The following THSD7B variants were observed in gnomAD, a reference collection of about 807,000 sequenced individuals.
THSD7B encodes thrombospondin type-1 domain-containing protein 7B.
In THSD7B, 138 loss-of-function variants were observed where a neutral mutation model predicts 213.6. That is an observed-to-expected ratio of 0.65 (90% confidence interval 0.56 to 0.74). THSD7B has a LOEUF of 0.74. THSD7B is among the 30% of genes least tolerant of loss of function. The pLI, the probability that THSD7B is intolerant of heterozygous loss-of-function variation, is 0.00. For missense variants in THSD7B, 1,931 were observed against 1,991.5 expected (o/e 0.97, Z 0.58); for synonymous variants, 742 against 687.0 (o/e 1.08, Z -1.25).
intron 2 of THSD7B, among the ~76,000 whole-genome samples, chr2:136,980,808 T>C (rs535924308): frequency 5.3e-4 from 80 of 152,272 alleles, no homozygotes; most frequent in African/African-American, 1.9e-3. Flanking sequence ...TGTGGAAAAT[T>C]CATGGTTTCC....
rs571618572 is a variant in THSD7B, at chr2:137,433,947, T to A, written c.2960-16898T>A. On this transcript the variant is annotated intron_variant, in intron 14 of 27. Coordinates refer to ENST00000409968, the MANE Select transcript of THSD7B (RefSeq NM_001316349.2). ...CTGTATTCCTTTTTATATTCTTAGT[T>A]GCTCATTATTCCAGCTTGTTAAGGG... 1.3e-4 allele frequency among the ~76,000 whole-genome samples: 20 copies of A among 152,282 alleles called. No individual in the cohort carries two copies. In the South Asian group the frequency reaches 4.1e-3, roughly 32 times the overall value.
chr2:136,862,312 C>T (rs377597381), intron 1 of THSD7B, among the ~76,000 whole-genome samples: 1 of 152,116 alleles, frequency 6.6e-6, no homozygotes, highest in Admixed American at 6.5e-5. Flanking sequence ...AGTTGCTGCT[C>T]ATAACAGCAT....
At chr2:137,305,443 C>T (rs778030681) in intron 12 of THSD7B, among the ~76,000 whole-genome samples, 1 of 152,034 alleles carries the variant, frequency 6.6e-6, no homozygotes, top group African/African-American at 2.4e-5. Context: ...TACTTGGAAC[C>T]CAGGAGGATG....
intron 1 of THSD7B, among the ~76,000 whole-genome samples, chr2:136,787,238 T>A (rs984838962): frequency 3.3e-5 from 5 of 152,148 alleles, no homozygotes; most frequent in Non-Finnish European, 7.4e-5. Context: ...GATGATTCTT[T>A]TTTTTTCAAG....
At chr2:137,492,896 T>C (rs1363866294) in intron 15 of THSD7B, among the ~76,000 whole-genome samples, 10 of 151,252 alleles carry the variant, frequency 6.6e-5, no homozygotes, top group Non-Finnish European at 1.3e-4. Context: ...CCGACATGGG[T>C]ATTACCTGAG....
chr2:137,035,791 A>C (rs1056629224), intron 2 of THSD7B, among the ~76,000 whole-genome samples: 2 of 152,184 alleles, frequency 1.3e-5, no homozygotes, highest in Non-Finnish European at 2.9e-5. Flanking sequence ...AAGGGCTTTG[A>C]TATGCCTCAA....
intron 20 of THSD7B, among the ~76,000 whole-genome samples, chr2:137,628,096 G>A (rs968554320): frequency 1.3e-5 from 2 of 152,150 alleles, no homozygotes; most frequent in African/African-American, 4.8e-5. Context: ...AAGACACCTG[G>A]CATAGTAACA....
chr2:137,288,752 G>A (rs1184164958), intron 12 of THSD7B, among the ~76,000 whole-genome samples: 1 of 151,698 alleles, frequency 6.6e-6, no homozygotes, highest in Non-Finnish European at 1.5e-5. Flanking sequence ...CACAGTGAGA[G>A]AGGACTTAAA....
intron 2 of THSD7B, among the ~76,000 whole-genome samples, chr2:136,957,880 A>G (rs1293448293): frequency 6.6e-6 from 1 of 152,220 alleles, no homozygotes; most frequent in Non-Finnish European, 1.5e-5. Flanking sequence ...GCACAAATGG[A>G]TACAAAGCTG....
intron 2 of THSD7B, among the ~76,000 whole-genome samples, chr2:136,899,215 T>C (rs1161621175): frequency 6.6e-6 from 1 of 152,162 alleles, no homozygotes; most frequent in Non-Finnish European, 1.5e-5. Flanking sequence ...AAAACTCTGT[T>C]TTAAGATCCA....
chr2:137,164,752 C>T (rs1680087413), intron 6 of THSD7B, among the ~76,000 whole-genome samples: 1 of 152,080 alleles, frequency 6.6e-6, no homozygotes, highest in Non-Finnish European at 1.5e-5. Context: ...AAGCTGGAAA[C>T]CATCATTCTC....
intron 15 of THSD7B, among the ~76,000 whole-genome samples, chr2:137,520,902 T>C (rs1680172056): frequency 6.6e-6 from 1 of 152,230 alleles, no homozygotes; most frequent in South Asian, 2.1e-4. Flanking sequence ...TCATTAGCAG[T>C]TGAATTTTTA....
At chr2:136,989,381 T>C (rs1189477790) in intron 2 of THSD7B, among the ~76,000 whole-genome samples, 2 of 151,508 alleles carry the variant, frequency 1.3e-5, no homozygotes, top group African/African-American at 4.9e-5. Flanking sequence ...TCTGAGTTCA[T>C]GTGAGATCTG....
At chr2:137,605,400 AT>A (rs1450588253) in intron 17 of THSD7B, among the ~76,000 whole-genome samples, 1 of 152,116 alleles carries the variant, frequency 6.6e-6, no homozygotes, top group Non-Finnish European at 1.5e-5. Context: ...ATACATGTAA[AT>A]CACTTAACAG....
chr2:136,936,289 C>G (rs570214757), intron 2 of THSD7B, among the ~76,000 whole-genome samples: 37 of 152,172 alleles, frequency 2.4e-4, no homozygotes, highest in African/African-American at 8.4e-4. Context: ...AAAAGTAGAA[C>G]TACCATTTGA....
At chr2:137,315,052 G>A (rs937511144) in intron 12 of THSD7B, among the ~76,000 whole-genome samples, 39 of 152,352 alleles carry the variant, frequency 2.6e-4, no homozygotes, top group African/African-American at 9.1e-4. Flanking sequence ...GAGCTTCCCA[G>A]CTGCTTTGTT....
chr2:137,408,451 C>T (rs59200105), intron 13 of THSD7B, among the ~76,000 whole-genome samples: 12,997 of 152,082 alleles, frequency 0.085, 1,183 homozygotes, highest in African/African-American at 0.22. Flanking sequence ...TCAGTAGACA[C>T]GATCCTAACT....
intron 2 of THSD7B, among the ~76,000 whole-genome samples, chr2:136,913,332 A>G (rs1684298684): frequency 6.6e-6 from 1 of 152,248 alleles, no homozygotes; most frequent in Admixed American, 6.5e-5. Context: ...AAAGGGAAAT[A>G]GAGCATAAAA....
intron 12 of THSD7B, among the ~76,000 whole-genome samples, chr2:137,387,077 C>T (rs1685912765): frequency 2.0e-5 from 3 of 152,314 alleles, no homozygotes; most frequent in East Asian, 1.9e-4. Context: ...ATTTTGGGTG[C>T]GTTTCTCCCA....
Sources: gnomAD v4.1 joint callset for allele counts (sites outside exome capture counted in the v4.1 genomes callset) on GRCh38, gnomAD v4.1.1 for gene constraint, MANE v1.5 for transcripts, NCBI Gene and HGNC (gene_info 2026-07-23, HGNC 2026-07-21) for gene names.